The following IFRD1 variants were observed in gnomAD, a reference collection of about 807,000 sequenced individuals.
The protein encoded by IFRD1 is interferon related developmental regulator 1, also known as interferon-related developmental regulator 1.
A neutral mutation model predicts 52.9 loss-of-function variants in IFRD1; 35 were observed. That is an observed-to-expected ratio of 0.66 (90% CI 0.51 to 0.88). The LOEUF is 0.88. Among genes scored for constraint, IFRD1 ranks in the 40% least tolerant of loss-of-function variants. The probability of loss-of-function intolerance (pLI) is 0.00; values close to 1 mark genes in which losing one functional copy is unlikely to be tolerated. For missense variants in IFRD1, 517 were observed against 550.8 expected (o/e 0.94, Z 0.61); for synonymous variants, 184 against 188.4 (o/e 0.98, Z 0.19).
At chr7:112,436,496 C>T (rs192387742) in intron 1 of IFRD1, among the ~76,000 whole-genome samples, 3 of 151,638 alleles carry the variant, frequency 2.0e-5, no homozygotes, top group Non-Finnish European at 2.9e-5. Flanking sequence ...TATTTACTGA[C>T]GTTTTATTAA....
At chr7:112,454,905 C>T (rs1245487812) in intron 1 of IFRD1, among the ~76,000 whole-genome samples, 9 of 127,936 alleles carry the variant, frequency 7.0e-5, no homozygotes, top group Non-Finnish European at 9.4e-5. Context: ...CTTGGTCTGT[C>T]GCCCAGGCTG....
intron 1 of IFRD1, among the ~76,000 whole-genome samples, chr7:112,425,083 G>A (rs186212658): frequency 6.6e-6 from 1 of 152,178 alleles, no homozygotes; most frequent in Admixed American, 6.5e-5. Flanking sequence ...GTAGCTCACT[G>A]CAGCCTCAAA....
At chr7:112,431,259 T>C (rs1343273818) in intron 1 of IFRD1, among the ~76,000 whole-genome samples, 2 of 152,222 alleles carry the variant, frequency 1.3e-5, no homozygotes, top group African/African-American at 4.8e-5. Flanking sequence ...TTTAACTATA[T>C]GTCATATTAT....
At chr7:112,445,223 C>T (rs1011365885) in intron 1 of IFRD1, among the ~76,000 whole-genome samples, 13 of 152,108 alleles carry the variant, frequency 8.5e-5, no homozygotes, top group South Asian at 4.1e-4. Flanking sequence ...CCCGCCACCA[C>T]GCCCGGCTAA....
At chr7:112,467,953 A>G in intron 8 of IFRD1, 28 bp from the exon 9 acceptor site, 1 of 1,609,320 alleles carries the variant, frequency 6.2e-7, no homozygotes, top group Non-Finnish European at 8.5e-7. Flanking sequence ...ATAATAATAA[A>G]GGAAACAAAA....
At chr7:112,445,062 CTTTTTT>C (rs3057810) in intron 1 of IFRD1, among the ~76,000 whole-genome samples, 2 of 102,694 alleles carry the variant, frequency 1.9e-5, no homozygotes, top group Non-Finnish European at 3.9e-5. Context: ...CCTAGGCTTT[CTTTTTT>C]TTTTTTTTTT....
intron 1 of IFRD1, chr7:112,451,122 T>C: frequency 3.5e-6 from 1 of 284,258 alleles, no homozygotes; most frequent in Non-Finnish European, 6.8e-6. Flanking sequence ...TCTCGCCCGA[T>C]CTCTCCCCGA....
upstream of IFRD1, among the ~76,000 whole-genome samples, chr7:112,448,085 G>C (rs1795068372): frequency 7.0e-6 from 1 of 143,332 alleles, no homozygotes; most frequent in South Asian, 2.2e-4. Flanking sequence ...GTGCCATGAG[G>C]GATACAGCAA....
chr7:112,455,265 C>T (rs1473465611), intron 1 of IFRD1, among the ~76,000 whole-genome samples: 2 of 151,816 alleles, frequency 1.3e-5, no homozygotes, highest in East Asian at 2.0e-4. Flanking sequence ...GGGTGGATCA[C>T]GAGGTCAGGA....
At chr7:112,465,881 G>T (rs1795596426) in intron 8 of IFRD1, among the ~76,000 whole-genome samples, 1 of 152,146 alleles carries the variant, frequency 6.6e-6, no homozygotes, top group Non-Finnish European at 1.5e-5. Flanking sequence ...TGATAAAATA[G>T]TTAATGCTTC....
chr7:112,426,881 C>G lies in IFRD1; in HGVS notation c.-182+3449C>G, dbSNP rs763391077. Among the ~76,000 whole-genome samples the G allele has an allele frequency of 5.3e-4, 80 of 152,178 alleles. 1 individual carries two copies. The highest frequency in any genetic ancestry group is 1.9e-4 in the Non-Finnish European group (13 of 68,024). ...TCCAACCAAATGCCAATCATAAAAC[C>G]TTTAAATTTACCAGTTACCTGGAGG... On this transcript the variant is annotated intron_variant, in intron 1 of 12. Transcript: ENST00000005558.
chr7:112,460,157 C>T (rs182449694), intron 5 of IFRD1, among the ~76,000 whole-genome samples: 1 of 150,384 alleles, frequency 6.6e-6, no homozygotes, highest in East Asian at 2.0e-4. Context: ...TTTTTCCATA[C>T]TTCCAAGTTG....
At chr7:112,436,065 T>A (rs1019161115) in intron 1 of IFRD1, among the ~76,000 whole-genome samples, 1 of 151,806 alleles carries the variant, frequency 6.6e-6, no homozygotes, top group Admixed American at 6.6e-5. Context: ...GTATTTTTAG[T>A]AGGGATGGGA....
At chr7:112,459,411 G>A (rs929766537) in intron 5 of IFRD1, among the ~76,000 whole-genome samples, 4 of 151,834 alleles carry the variant, frequency 2.6e-5, no homozygotes, top group Admixed American at 6.6e-5. Context: ...TTTTTGGTGC[G>A]GTAATAAGTG....
At chr7:112,427,444 T>G (rs1267731210) in intron 1 of IFRD1, among the ~76,000 whole-genome samples, 1 of 152,246 alleles carries the variant, frequency 6.6e-6, no homozygotes, top group Non-Finnish European at 1.5e-5. Context: ...TTTTTACATG[T>G]GAGAGAATTA....
At chr7:112,463,765 A>C (rs2117314948) in intron 8 of IFRD1, among the ~76,000 whole-genome samples, 1 of 151,890 alleles carries the variant, frequency 6.6e-6, no homozygotes, top group East Asian at 1.9e-4. Flanking sequence ...TTTAAATTAT[A>C]CATGTTGAAT....
Position 112,461,908 on chromosome 7 carries a change from G to T in IFRD1, c.610G>T (p.Asp204Tyr). 6.2e-7 allele frequency: 1 copy of T among 1,607,850 alleles called. No individual in the cohort carries two copies. Among genetic ancestry groups the T allele is most frequent in the Non-Finnish European group, 8.5e-7 (1 of 1,175,180 alleles). The change falls in exon 6 of 12, where the codon GAC becomes TAC. Residue 204 changes from aspartate to tyrosine, a missense_variant. By Grantham distance (160) the Asp-to-Tyr change is radical. Transcript: ENST00000403825. ...TGTTTGCTGTTTTATTGCCACAGAT[G>T]ACATTACTGTAAGTAAAAAACCTTT... ...FGVCCFIATD[D>Y]ITELYSTLEC...
intron 11 of IFRD1, among the ~76,000 whole-genome samples, chr7:112,474,738 G>T (rs1487958958): frequency 3.3e-5 from 5 of 152,082 alleles, no homozygotes; most frequent in Non-Finnish European, 7.4e-5. Context: ...TAAAAAATGT[G>T]TTTATTTAAT....
At chr7:112,470,478 A>G (rs185781846) in intron 9 of IFRD1, among the ~76,000 whole-genome samples, 1 of 152,212 alleles carries the variant, frequency 6.6e-6, no homozygotes. Context: ...TGACTATTTT[A>G]AAAACCTTGG....
Sources: allele counts gnomAD v4.1 joint callset (sites outside exome capture counted in the v4.1 genomes callset), GRCh38; gene constraint gnomAD v4.1.1; transcripts MANE v1.5; gene names NCBI Gene and HGNC (gene_info 2026-07-23, HGNC 2026-07-21).